DHX29: variants seen among roughly 807,000 people sequenced by gnomAD.
DHX29 encodes the protein ATP-dependent RNA helicase DHX29.
Under a neutral mutation model 167.9 loss-of-function variants are expected in DHX29, and 79 were observed. The observed-to-expected ratio is 0.47, with a 90% CI of 0.39 to 0.57. The LOEUF (loss-of-function observed/expected upper bound fraction) is 0.57, where lower values mean the gene tolerates loss of function less well. Ranked by LOEUF, DHX29 falls within the 20% of genes least tolerant of loss-of-function variation. The pLI, the probability that DHX29 is intolerant of heterozygous loss-of-function variation, is 0.00. For synonymous variants in DHX29, 530 were observed against 546.0 expected (o/e 0.97, Z 0.41); for missense variants, 1,347 against 1,593.4 (o/e 0.85, Z 2.63).
chr5:55,307,473 C>G lies in DHX29; in HGVS notation c.101G>C (p.Gly34Ala). 1.9e-6 allele frequency: 3 copies of G among 1,613,568 alleles called. No homozygotes were observed. The highest frequency in any genetic ancestry group is 2.5e-6 in the Non-Finnish European group (3 of 1,179,970). ...RAKSAEAGIAGEAQSKKPVSR... is the reference protein window; with the variant it reads ...RAKSAEAGIAAEAQSKKPVSR... ...CACTGGCTTCTTGCTTTGGGCCTCC[C>G]CGGCAATTCCAGCCTCGGCAGATTT... Residue 34 changes from glycine to alanine, a missense_variant, in exon 1 of 27, where the codon GGG becomes GCG. Coordinates refer to ENST00000251636, the MANE Select transcript of DHX29 (RefSeq NM_019030.4).
intron 25 of DHX29, 77 bp from the exon 26 acceptor site, chr5:55,260,021 C>A (rs13166654): frequency 0.041 from 30,338 of 744,134 alleles, 1,346 homozygotes; most frequent in Admixed American, 0.14. Flanking sequence ...CAAGGCAAGC[C>A]TATATTACAA....
intron 26 of DHX29, among the ~76,000 whole-genome samples, chr5:55,259,150 A>C (rs532898984): frequency 5.2e-4 from 79 of 151,570 alleles, no homozygotes; most frequent in African/African-American, 1.9e-3. Flanking sequence ...TTGGCTTATT[A>C]TTTTTTTTTA....
intron 5 of DHX29, among the ~76,000 whole-genome samples, chr5:55,294,402 C>T (rs1198195365): frequency 6.6e-6 from 1 of 152,180 alleles, no homozygotes; most frequent in Non-Finnish European, 1.5e-5. Flanking sequence ...TGGCTGGGTG[C>T]GGTGGCTCAC....
chr5:55,261,091 T>A (rs1156782885), intron 25 of DHX29, among the ~76,000 whole-genome samples: 1 of 152,192 alleles, frequency 6.6e-6, no homozygotes, highest in Non-Finnish European at 1.5e-5. Flanking sequence ...GCTAGGATAT[T>A]AATTTGGGAA....
chr5:55,301,839 T>C (rs1251426616), intron 1 of DHX29, among the ~76,000 whole-genome samples: 2 of 152,186 alleles, frequency 1.3e-5, no homozygotes. Context: ...TAAATGTTCT[T>C]ATGATTTTAA....
At chr5:55,302,115 C>A (rs1748635831) in intron 1 of DHX29, among the ~76,000 whole-genome samples, 1 of 152,110 alleles carries the variant, frequency 6.6e-6, no homozygotes, top group Non-Finnish European at 1.5e-5. Flanking sequence ...GTTTCCTTAT[C>A]GTCTAGTCTC....
intron 21 of DHX29, 61 bp downstream of exon 21, chr5:55,269,352 C>T (rs975853329): frequency 8.5e-6 from 13 of 1,528,366 alleles, no homozygotes; most frequent in Middle Eastern, 2.4e-4. Context: ...TGTTTCCAAA[C>T]TTGTAATTTC....
intron 23 of DHX29, among the ~76,000 whole-genome samples, chr5:55,265,850 T>C (rs892489232): frequency 6.6e-6 from 1 of 152,190 alleles, no homozygotes; most frequent in Non-Finnish European, 1.5e-5. Context: ...TACAAGTAGA[T>C]TGACCACAGG....
At chr5:55,266,559 T>A (rs1250669411) in intron 23 of DHX29, among the ~76,000 whole-genome samples, 6 of 151,986 alleles carry the variant, frequency 3.9e-5, no homozygotes, top group Non-Finnish European at 8.8e-5. Context: ...TTTTTTTTTT[T>A]TTTTAATGAA....
At chr5:55,282,159 T>C (rs1747464028) in intron 11 of DHX29, among the ~76,000 whole-genome samples, 1 of 152,214 alleles carries the variant, frequency 6.6e-6, no homozygotes, top group Non-Finnish European at 1.5e-5. Context: ...AATATGATTA[T>C]TAAAACATTA....
Position 55,298,962 on chromosome 5 carries a change from G to A in DHX29, c.188-298C>T, listed in dbSNP as rs969111392. Among the ~76,000 whole-genome samples, 11 of 149,358 alleles carry A rather than the reference G, an allele frequency of 7.4e-5. No individual in the cohort carries two copies. In the East Asian group the frequency reaches 1.6e-3, roughly 21 times the overall value. On this transcript the variant is annotated intron_variant, in intron 1 of 26. Coordinates refer to ENST00000251636, the MANE Select transcript of DHX29 (RefSeq NM_019030.4). ...GGAGAATGGCGTGAACCCGGGAAGC[G>A]GAGCTTGCAGTGAGCCGAGATTGCG...
chr5:55,298,474 T>C (rs1033634225), intron 2 of DHX29, 117 bp downstream of exon 2: 4 of 623,230 alleles, frequency 6.4e-6, no homozygotes, highest in African/African-American at 1.9e-5. Flanking sequence ...GCTCTTAGAG[T>C]ACTATTTACA....
chr5:55,299,981 T>C (rs72751771), intron 1 of DHX29, among the ~76,000 whole-genome samples: 183 of 152,342 alleles, frequency 1.2e-3, no homozygotes, highest in Non-Finnish European at 2.1e-3. Context: ...TAAAAATTAC[T>C]GAGGATCCAA....
At chr5:55,293,996 C>G in intron 6 of DHX29, 21 bp downstream of exon 6, 1 of 1,599,888 alleles carries the variant, frequency 6.3e-7, no homozygotes, top group African/African-American at 1.3e-5. Context: ...AGTTAGAAGC[C>G]TAACACAAAT....
intron 3 of DHX29, 87 bp from the exon 4 acceptor site, chr5:55,296,436 C>CT (rs1296239311): frequency 7.2e-7 from 1 of 1,391,014 alleles, no homozygotes; most frequent in Non-Finnish European, 9.5e-7. Context: ...AAACCAGAAA[C>CT]TTTGACACAA....
rs1255374152 is a variant in DHX29 at position 55,297,403 on chromosome 5, T to C, written c.262-5A>G. On this transcript the variant is annotated splice_polypyrimidine_tract_variant and splice_region_variant and intron_variant, in intron 2 of 26. Transcript: ENST00000251636. ...TAGTTTGTTATTAATTACCACCTGT[T>C]GAGGCCAAAAAGGTCATATCATTTA... 9 of 1,167,330 alleles carry C rather than the reference T, an allele frequency of 7.7e-6. No individual in the cohort carries two copies. The highest frequency in any genetic ancestry group is 1.2e-5 in the Non-Finnish European group (9 of 780,196). 72.3% of individuals were successfully genotyped at this position (1,167,330 alleles called of 1,614,324 possible). A position where few individuals can be genotyped will look rare whatever the true frequency, so the allele number is the denominator to read the frequency against.
Position 55,282,336 on chromosome 5 carries a change from G to A in DHX29, c.1966-821C>T, listed in dbSNP as rs551580398. On this transcript the variant is annotated intron_variant, in intron 11 of 26. Coordinates refer to ENST00000251636, the MANE Select transcript of DHX29 (RefSeq NM_019030.4). ...TAGTATCATACTAGGAGTGCCTAGC[G>A]GAATTTTAATGTAACATTCCCCATC... Among the ~76,000 whole-genome samples the A allele has an allele frequency of 3.3e-5, 5 of 152,160 alleles. No individual in the cohort carries two copies. The East Asian group carries it at 5.8e-4, about 18-fold the overall frequency.
chr5:55,269,189 A>G (rs1746726908), intron 21 of DHX29, among the ~76,000 whole-genome samples: 1 of 148,884 alleles, frequency 6.7e-6, no homozygotes. Context: ...GGTTGCAGTG[A>G]GCCTAGATTG....
chr5:55,305,762 T>C (rs1748829365), intron 1 of DHX29, among the ~76,000 whole-genome samples: 2 of 152,192 alleles, frequency 1.3e-5, no homozygotes, highest in South Asian at 4.1e-4. Context: ...AAGAGTGGTT[T>C]AGTACTAGCC....
Sources: gnomAD v4.1 joint callset for allele counts (sites outside exome capture counted in the v4.1 genomes callset) on GRCh38, gnomAD v4.1.1 for gene constraint, MANE v1.5 for transcripts, NCBI Gene and HGNC (gene_info 2026-07-23, HGNC 2026-07-21) for gene names.